The following OLFM3 variants were observed in gnomAD, a reference collection of about 807,000 sequenced individuals.
The protein encoded by OLFM3 is olfactomedin 3, also known as noelin-3.
Under a neutral mutation model 48.6 loss-of-function variants are expected in OLFM3, and 20 were observed. The ratio of observed to expected loss-of-function variants is 0.41; its 90% confidence interval spans 0.29 to 0.60. The LOEUF (loss-of-function observed/expected upper bound fraction) is 0.60, where lower values mean the gene tolerates loss of function less well. OLFM3 is among the 20% of genes least tolerant of loss of function. The probability of loss-of-function intolerance (pLI) is 0.28; values close to 1 mark genes in which losing one functional copy is unlikely to be tolerated. For synonymous variants in OLFM3, 222 were observed against 198.1 expected, an observed-to-expected ratio of 1.12 and a Z score of -1.01; for missense variants, 437 against 544.3, an observed-to-expected ratio of 0.80 and a Z score of 1.96.
rs1174588842 is a variant in OLFM3, at chr1:101,804,056, T to A, written c.*182A>T. 2 of 492,650 alleles carry A rather than the reference T, an allele frequency of 4.1e-6. No individual in the cohort carries two copies. The highest frequency in any genetic ancestry group is 7.1e-6 in the Non-Finnish European group (2 of 282,890). The allele number at this position is 492,650 out of a possible 1,614,324, so 30.5% of individuals were successfully genotyped here. Reference sequence around the variant, plus strand: ...GGCCTTGTAAATTTAGAAGTTAAGATGTGTTTCCAACATGGTAAGTTAGAC... The same window carrying A: ...GGCCTTGTAAATTTAGAAGTTAAGAAGTGTTTCCAACATGGTAAGTTAGAC... On this transcript the variant is annotated 3_prime_UTR_variant, in exon 6 of 6. Transcript: ENST00000370103. The surrounding 1 kb of genome is among the most constrained non-coding windows in gnomAD (Gnocchi z 4.5).
At chr1:101,868,844 G>A (rs542391383) in intron 1 of OLFM3, among the ~76,000 whole-genome samples, 3 of 152,308 alleles carry the variant, frequency 2.0e-5, no homozygotes, top group African/African-American at 7.2e-5. Flanking sequence ...GGCTAAAAGG[G>A]GCCAATGTGC....
chr1:101,860,075 T>C (rs1023675527), intron 1 of OLFM3: 5 of 151,926 alleles, frequency 3.3e-5, no homozygotes, highest in African/African-American at 1.2e-4. Context: ...GTGTAGACAA[T>C]AAGGAGGCAC....
At chr1:101,876,080 G>A (rs1439329840) in intron 1 of OLFM3, among the ~76,000 whole-genome samples, 4 of 152,102 alleles carry the variant, frequency 2.6e-5, no homozygotes, top group Admixed American at 6.6e-5. Flanking sequence ...TAAGAATGTT[G>A]TAAATATTTA....
intron 1 of OLFM3, among the ~76,000 whole-genome samples, chr1:101,883,198 TA>T (rs1339169545): frequency 6.6e-6 from 1 of 151,672 alleles, no homozygotes; most frequent in Non-Finnish European, 1.5e-5. Context: ...ATTACAGTTT[TA>T]AAAAAATCAA....
chr1:101,847,443 G>C (rs1656051797), intron 1 of OLFM3, among the ~76,000 whole-genome samples: 1 of 151,868 alleles, frequency 6.6e-6, no homozygotes. Context: ...AGATTTCTCT[G>C]GGCAAGGACA....
chr1:101,830,921 A>G (rs1655118527), intron 2 of OLFM3, 94 bp from the exon 3 acceptor site: 1 of 1,077,308 alleles, frequency 9.3e-7, no homozygotes, highest in Non-Finnish European at 1.3e-6. Context: ...CATAAAAACT[A>G]GAAGTGCCAA....
intron 1 of OLFM3, among the ~76,000 whole-genome samples, chr1:101,907,946 G>A (rs1658608143): frequency 6.6e-6 from 1 of 152,090 alleles, no homozygotes; most frequent in African/African-American, 2.4e-5. Flanking sequence ...TTATCTATAT[G>A]CATCCCCAAA....
chr1:101,844,512 T>G (rs995672041), intron 1 of OLFM3, among the ~76,000 whole-genome samples: 1 of 152,146 alleles, frequency 6.6e-6, no homozygotes, highest in Non-Finnish European at 1.5e-5. Flanking sequence ...GCCTCTGCCA[T>G]TAACCAAATG....
intron 1 of OLFM3, among the ~76,000 whole-genome samples, chr1:101,953,985 A>G (rs572442302): frequency 6.6e-6 from 1 of 152,216 alleles, no homozygotes; most frequent in Admixed American, 6.5e-5. Flanking sequence ...AATGTAAGGA[A>G]AATTATTCAC....
intron 1 of OLFM3, among the ~76,000 whole-genome samples, chr1:101,980,967 G>T (rs1376255293): frequency 1.3e-5 from 2 of 152,148 alleles, no homozygotes; most frequent in Non-Finnish European, 2.9e-5. Flanking sequence ...AATCATTAGT[G>T]ACATTTCCTC....
intron 1 of OLFM3, among the ~76,000 whole-genome samples, chr1:101,859,266 A>G (rs1232378992): frequency 6.6e-6 from 1 of 152,132 alleles, no homozygotes; most frequent in Non-Finnish European, 1.5e-5. Flanking sequence ...ATACCAAACC[A>G]GTTTGTTATT....
At chr1:101,873,406 G>A (rs1251963252) in intron 1 of OLFM3, among the ~76,000 whole-genome samples, 1 of 151,716 alleles carries the variant, frequency 6.6e-6, no homozygotes, top group African/African-American at 2.4e-5. Context: ...TAAAATGATG[G>A]GCTAATAAAA....
At chr1:101,886,886 C>G (rs577650202) in intron 1 of OLFM3, among the ~76,000 whole-genome samples, 19 of 152,196 alleles carry the variant, frequency 1.2e-4, no homozygotes, top group African/African-American at 4.3e-4. Flanking sequence ...AAGTCATCTC[C>G]TATGACAGGC....
chr1:101,995,787 C>T (rs911623380), intron 1 of OLFM3, among the ~76,000 whole-genome samples: 3 of 152,152 alleles, frequency 2.0e-5, no homozygotes, highest in African/African-American at 4.8e-5. Flanking sequence ...TGGAATCATT[C>T]TTCCTATATT....
At chr1:101,957,233 A>G (rs1452832686) in intron 1 of OLFM3, among the ~76,000 whole-genome samples, 1 of 152,032 alleles carries the variant, frequency 6.6e-6, no homozygotes, top group Non-Finnish European at 1.5e-5. Context: ...TTTTGGAGTC[A>G]GTCTCATATC....
chr1:101,888,169 C>A (rs1007337388), intron 1 of OLFM3, among the ~76,000 whole-genome samples: 1 of 151,960 alleles, frequency 6.6e-6, no homozygotes, highest in Non-Finnish European at 1.5e-5. Context: ...CATATAGAAC[C>A]AAAAGAGAGC....
At chr1:101,871,458 G>A (rs1484365607) in intron 1 of OLFM3, among the ~76,000 whole-genome samples, 1 of 152,064 alleles carries the variant, frequency 6.6e-6, no homozygotes, top group African/African-American at 2.4e-5. Context: ...AGTAAATTGT[G>A]TAAAAATATT....
At chr1:101,904,178 G>A (rs926442262) in intron 1 of OLFM3, among the ~76,000 whole-genome samples, 6 of 152,046 alleles carry the variant, frequency 3.9e-5, no homozygotes, top group Non-Finnish European at 7.4e-5. Flanking sequence ...CCACAATAAC[G>A]CACTTTCTTG....
chr1:101,845,080 C>T (rs1655923744), intron 1 of OLFM3, among the ~76,000 whole-genome samples: 1 of 151,928 alleles, frequency 6.6e-6, no homozygotes, highest in African/African-American at 2.4e-5. Context: ...CAGTGAATAC[C>T]ATTTACTGGT....
Sources: gnomAD v4.1 joint callset for allele counts (sites outside exome capture counted in the v4.1 genomes callset) on GRCh38, gnomAD v4.1.1 for gene constraint, Gnocchi (gnomAD v3.1) non-coding constraint, MANE v1.5 for transcripts, NCBI Gene and HGNC (gene_info 2026-07-23, HGNC 2026-07-21) for gene names.